The following VWCE variants were observed in gnomAD, a reference collection of about 807,000 sequenced individuals.
VWCE encodes von Willebrand factor C and EGF domain-containing protein.
In VWCE, 68 loss-of-function variants were observed where a neutral mutation model predicts 102.9. The ratio of observed to expected loss-of-function variants is 0.66; its 90% CI spans 0.54 to 0.81. The LOEUF is 0.81. Among genes scored for constraint, VWCE ranks in the 30% least tolerant of loss-of-function variants. The pLI, the probability that VWCE is intolerant of heterozygous loss-of-function variation, is 0.00. For missense variants in VWCE, 1,137 were observed against 1,263.6 expected (o/e 0.90, Z 1.52); for synonymous variants, 497 against 515.4 (o/e 0.96, Z 0.48).
At position 61,276,729 on chromosome 11, in the gene VWCE, G is replaced by T. The variant is rs192992984; in HGVS notation, c.1408-49C>A. The T allele has an allele frequency of 9.9e-4, 1,441 of 1,458,020 alleles. 21 individuals are homozygous for T. The African/African-American group carries it at 0.017, about 18-fold the overall frequency. 90.3% of individuals were successfully genotyped at this position (1,458,020 alleles called of 1,614,324 possible). On this transcript the variant is annotated intron_variant, in intron 10 of 19. Coordinates refer to ENST00000335613, the MANE Select transcript of VWCE (RefSeq NM_152718.2). ...ACTGGGGGTGCGGGTGTGGAACAGG[G>T]TTCATTCCCCATCTCACAGCAGGCC...
chr11:61,263,528 A>G (rs1423927610), intron 19 of VWCE, among the ~76,000 whole-genome samples: 3 of 152,166 alleles, frequency 2.0e-5, no homozygotes, highest in African/African-American at 7.2e-5. Flanking sequence ...AAGGGTACAC[A>G]ATCTCAGCTA....
At chr11:61,276,409 C>CA (rs562474115) in intron 11 of VWCE, among the ~76,000 whole-genome samples, 184 bp downstream of exon 11, 1,668 of 136,922 alleles carry the variant, frequency 0.012, 34 homozygotes, top group African/African-American at 0.039. Flanking sequence ...GTCTCCCTCT[C>CA]AAAAAAAAAA....
chr11:61,272,717 C>T (rs867429588), intron 13 of VWCE, among the ~76,000 whole-genome samples: 15 of 151,948 alleles, frequency 9.9e-5, no homozygotes, highest in South Asian at 2.1e-4. Flanking sequence ...CATGCTCACA[C>T]AGACGCACAC....
rs746816110 is a variant in VWCE at position 61,280,925 on chromosome 11, C to T, written c.1098G>A (p.Gly366=). The T allele has an allele frequency of 1.3e-6, 2 of 1,527,238 alleles. No homozygotes were observed. Among genetic ancestry groups the T allele is most frequent in the Non-Finnish European group, 1.8e-6 (2 of 1,139,698 alleles). 94.6% of individuals were successfully genotyped at this position (1,527,238 alleles called of 1,614,324 possible). ...PPSLLQGEVM[G]TPSSPRGPES... ...CAGGGCCCCTGGGTGAGGAAGGGGTCCCCATCACCTCCCCCTGAAGGAGTG... is the reference window on the plus strand; with the variant it reads ...CAGGGCCCCTGGGTGAGGAAGGGGTTCCCATCACCTCCCCCTGAAGGAGTG... The change falls in exon 8 of 20, where the codon GGG becomes GGA. Residue 366 remains glycine (G), a synonymous_variant. Coordinates refer to ENST00000335613, the MANE Select transcript of VWCE (RefSeq NM_152718.2).
rs997855067 is a variant in VWCE, at chr11:61,267,614, G to A, written c.1883-70C>T. On this transcript the variant is annotated intron_variant, in intron 15 of 19. Coordinates refer to ENST00000335613, the MANE Select transcript of VWCE (RefSeq NM_152718.2). ...GCACCAGGCTTCCCGCCAGGGCCAA[G>A]GTCACAGGCTTATCTGGATGGCAAA... 4 of 1,465,710 alleles carry A rather than the reference G, an allele frequency of 2.7e-6. No homozygotes were observed. The Admixed American group carries it at 6.8e-5, about 25-fold the overall frequency. The allele number at this position is 1,465,710 out of a possible 1,614,324, so 90.8% of individuals were successfully genotyped here.
chr11:61,273,722 C>A, intron 12 of VWCE: 1 of 176,138 alleles, frequency 5.7e-6, no homozygotes. Flanking sequence ...GTCCTGTCTC[C>A]GAAGTACTGC....
rs1310902370 is a variant in VWCE at position 61,278,284 on chromosome 11, C to T, written c.1407+110G>A. Reference sequence around the variant, plus strand: ...CCAAATTCCACAACCTGAGAATGTTCCCTTCCACTCAACAAGCTCACCTTT... The same window carrying T: ...CCAAATTCCACAACCTGAGAATGTTTCCTTCCACTCAACAAGCTCACCTTT... On this transcript the variant is annotated intron_variant, in intron 10 of 19. Coordinates refer to ENST00000335613, the MANE Select transcript of VWCE (RefSeq NM_152718.2). 3.4e-6 allele frequency: 4 copies of T among 1,171,238 alleles called. No homozygotes were observed. The African/African-American group carries it at 6.1e-5, about 18-fold the overall frequency. The allele number at this position is 1,171,238 out of a possible 1,614,324, so 72.6% of individuals were successfully genotyped here.
chr11:61,282,651 G>C (rs941964863), intron 6 of VWCE, 138 bp downstream of exon 6: 13 of 718,130 alleles, frequency 1.8e-5, no homozygotes, highest in Non-Finnish European at 2.9e-5. Context: ...GGCAGGCTCT[G>C]AGCCAAAGGC....
rs755886869 is a variant in VWCE, at chr11:61,259,211, C to T, written c.2332G>A (p.Val778Ile). 3 of 1,614,164 alleles carry T rather than the reference C, an allele frequency of 1.9e-6. No homozygotes were observed. Among genetic ancestry groups the T allele is most frequent in the Non-Finnish European group, 2.5e-6 (3 of 1,180,026 alleles). ...RSLHGDTEAP[V>I]NCSSCPGPPT... ...GGCCCAGGACAGGAGCTACAGTTGA[C>T]AGGGGCCTCAGTGTCTCCATGCAGG... Residue 778 changes from valine (V) to isoleucine (I), a missense_variant, in exon 20 of 20, where the codon GTC (valine) becomes ATC (isoleucine). Coordinates refer to ENST00000335613, the MANE Select transcript of VWCE (RefSeq NM_152718.2).
Position 61,281,250 on chromosome 11 carries a change from C to T in VWCE, c.788-15G>A, listed in dbSNP as rs763374608. Reference sequence around the variant, plus strand: ...TTTCGGGAAAGCTGAAACAGAAGCACGGAGGTCTCTTGGGGTGGACAGCAG... The same window carrying T: ...TTTCGGGAAAGCTGAAACAGAAGCATGGAGGTCTCTTGGGGTGGACAGCAG... On this transcript the variant is annotated splice_polypyrimidine_tract_variant and intron_variant, in intron 7 of 19. Coordinates refer to ENST00000335613, the MANE Select transcript of VWCE (RefSeq NM_152718.2). 7 of 1,611,452 alleles carry T rather than the reference C, an allele frequency of 4.3e-6. No homozygotes were observed. Among genetic ancestry groups the T allele is most frequent in the African/African-American group, 1.3e-5 (1 of 74,792 alleles).
intron 4 of VWCE, among the ~76,000 whole-genome samples, chr11:61,288,048 C>T (rs558079617): frequency 2.0e-4 from 30 of 149,162 alleles, no homozygotes; most frequent in African/African-American, 6.8e-4. Flanking sequence ...ATCCCAGCTA[C>T]TTGGGAGGCT....
At chr11:61,287,356 G>T (rs1350893886) in intron 4 of VWCE, among the ~76,000 whole-genome samples, 1 of 152,034 alleles carries the variant, frequency 6.6e-6, no homozygotes, top group African/African-American at 2.4e-5. Context: ...GACGAGAGAA[G>T]ACGGCTGAGA....
rs1235834007 is a variant in VWCE at position 61,258,524 on chromosome 11, T to C, written c.*151A>G. 6.7e-6 allele frequency: 5 copies of C among 745,930 alleles called. No individual in the cohort carries two copies. The highest frequency in any genetic ancestry group is 9.2e-6 in the Non-Finnish European group (5 of 541,336). The allele number at this position is 745,930 out of a possible 1,614,324, so 46.2% of individuals were successfully genotyped here. A position where few individuals can be genotyped will look rare whatever the true frequency, so the allele number is the denominator to read the frequency against. On this transcript the variant is annotated 3_prime_UTR_variant, in exon 20 of 20. Coordinates refer to ENST00000335613, the MANE Select transcript of VWCE (RefSeq NM_152718.2). ...AACACTTCTTGGGAACAAGGTTACA[T>C]CCAGCCTTGGGGGTCTTCCATCCTC...
At chr11:61,264,882 T>A (rs1184261570) in intron 18 of VWCE, 74 bp downstream of exon 18, 1 of 1,507,852 alleles carries the variant, frequency 6.6e-7, no homozygotes, top group Non-Finnish European at 9.1e-7. Flanking sequence ...AAGGGCTCCA[T>A]GTTTTGCAAA....
At position 61,286,351 on chromosome 11, in the gene VWCE, C is replaced by T. The variant is rs1237562717; in HGVS notation, c.504G>A (p.Pro168=). 8.1e-6 allele frequency: 13 copies of T among 1,611,490 alleles called. No individual in the cohort carries two copies. Among genetic ancestry groups the T allele is most frequent in the Non-Finnish European group, 1.1e-5 (13 of 1,180,022 alleles). ...GGCGGTCGGCAGACAGCTGCATGCC[C>T]GGCCCACACTCGCACACAAACCCAC... ...TEGGFVCECG[P]GMQLSADRHS... Residue 168 remains proline, a synonymous_variant, in exon 5 of 20, where the codon CCG becomes CCA. Coordinates refer to ENST00000335613, the MANE Select transcript of VWCE (RefSeq NM_152718.2).
rs146983624 is a variant in VWCE at position 61,273,342 on chromosome 11, G to A, written c.1582-26C>T. On this transcript the variant is annotated intron_variant, in intron 12 of 19. Coordinates refer to ENST00000335613, the MANE Select transcript of VWCE (RefSeq NM_152718.2). ...CTGGAAGAGAGCCCAGGCACAGAAT[G>A]ATGAGGGCGGCACCCTGCCTGGGGA... The A allele has an allele frequency of 9.7e-4, 1,541 of 1,591,490 alleles. 22 individuals carry two copies. In the African/African-American group the frequency reaches 0.017, roughly 18 times the overall value.
At chr11:61,267,310 C>G (rs903314465) in intron 16 of VWCE, 152 bp downstream of exon 16, 3 of 740,318 alleles carry the variant, frequency 4.1e-6, no homozygotes, top group Non-Finnish European at 6.8e-6. Context: ...TAAAGGGTCA[C>G]CCTGGGCAGG....
chr11:61,285,204 G>A (rs1436141412), intron 5 of VWCE, among the ~76,000 whole-genome samples: 1 of 152,104 alleles, frequency 6.6e-6, no homozygotes, highest in African/African-American at 2.4e-5. Context: ...GGAGAGCAGA[G>A]GGCAGCAGTG....
rs371280193 is a variant in VWCE, at chr11:61,274,448, C to T, written c.1581+51G>A. The T allele has an allele frequency of 7.7e-4, 1,204 of 1,562,190 alleles. 5 individuals are homozygous for T. Among genetic ancestry groups the T allele is most frequent in the South Asian group, 4.0e-3 (357 of 88,536 alleles). ...TCAACCTGAGTAAAGTGTTGTGCCT[C>T]GCTCCCCTCTCCATCAATTCCACAG... On this transcript the variant is annotated intron_variant, in intron 12 of 19. Coordinates refer to ENST00000335613, the MANE Select transcript of VWCE (RefSeq NM_152718.2).
Sources: gnomAD v4.1 joint callset for allele counts (sites outside exome capture counted in the v4.1 genomes callset) on GRCh38, gnomAD v4.1.1 for gene constraint, MANE v1.5 for transcripts, NCBI Gene and HGNC (gene_info 2026-07-23, HGNC 2026-07-21) for gene names.